The following TMEM192 variants were observed in gnomAD, a reference collection of about 807,000 sequenced individuals.
TMEM192 encodes transmembrane protein 192.
TMEM192 carries 20 observed loss-of-function variants against 26.7 expected under a neutral mutation model. The ratio of observed to expected loss-of-function variants is 0.75; its 90% CI spans 0.53 to 1.09. TMEM192 has a LOEUF of 1.09. TMEM192 is among the 50% of genes least tolerant of loss of function. The probability of loss-of-function intolerance (pLI) is 0.00; values close to 1 mark genes in which losing one functional copy is unlikely to be tolerated. For missense variants in TMEM192, 304 were observed against 322.6 expected (o/e 0.94, Z 0.44); for synonymous variants, 124 against 121.0 (o/e 1.02, Z -0.16).
intron 3 of TMEM192, among the ~76,000 whole-genome samples, chr4:165,092,678 T>G (rs973888728): frequency 1.3e-5 from 2 of 152,194 alleles, no homozygotes; most frequent in Non-Finnish European, 2.9e-5. Context: ...TATGTGAGTC[T>G]GATCCTGAGA....
intron 1 of TMEM192, among the ~76,000 whole-genome samples, chr4:165,107,791 C>T (rs923908546): frequency 1.2e-4 from 18 of 152,172 alleles, no homozygotes; most frequent in Non-Finnish European, 2.4e-4. Flanking sequence ...GCCTTCTCTG[C>T]GGTGCCTTTT....
intron 3 of TMEM192, among the ~76,000 whole-genome samples, chr4:165,100,162 CT>C (rs35075062): frequency 1.3e-3 from 174 of 134,684 alleles, no homozygotes; most frequent in East Asian, 5.2e-3. Context: ...AATAAAAGTT[CT>C]TTTTTTTTTT....
chr4:165,102,261 A>C (rs1735053606), intron 2 of TMEM192, among the ~76,000 whole-genome samples: 1 of 152,224 alleles, frequency 6.6e-6, no homozygotes, highest in Non-Finnish European at 1.5e-5. Flanking sequence ...GTGTCAACAT[A>C]TGTAGACTTT....
chr4:165,112,716 G>A (rs1472820527), intron 1 of TMEM192, 31 bp downstream of exon 1: 2 of 1,608,324 alleles, frequency 1.2e-6, no homozygotes, highest in Admixed American at 1.7e-5. Flanking sequence ...CGGATTCCGG[G>A]GCCAACCGCC....
At chr4:165,089,884 T>C (rs529083767) in intron 3 of TMEM192, among the ~76,000 whole-genome samples, 1 of 152,186 alleles carries the variant, frequency 6.6e-6, no homozygotes, top group Non-Finnish European at 1.5e-5. Context: ...GGTTTTTGTA[T>C]AGAGTTCCTA....
Position 165,091,819 on chromosome 4 carries a change from G to C in TMEM192, c.440-3217C>G, listed in dbSNP as rs548684670. The stretch of plus-strand genomic sequence containing the variant: ...TACTTCCTTTAGGTACCCAGTGCAA[G>C]TAAAAAGTGATGCCATTTTTAGAAG... On this transcript the variant is annotated intron_variant, in intron 3 of 5. Coordinates refer to ENST00000306480, the MANE Select transcript of TMEM192 (RefSeq NM_001100389.2). 4.6e-5 allele frequency among the ~76,000 whole-genome samples: 7 copies of C among 152,254 alleles called. No homozygotes were observed. The South Asian group carries it at 1.4e-3, about 32-fold the overall frequency.
chr4:165,070,942 C>T lies in TMEM192; in HGVS notation c.*8716G>A, dbSNP rs1734262437. 1 of 152,066 alleles carries T rather than the reference C, an allele frequency of 6.6e-6. No homozygotes were observed. The highest frequency in any genetic ancestry group is 1.5e-5 in the Non-Finnish European group (1 of 68,038). The allele number at this position is 152,066 out of a possible 1,614,324, so 9.4% of individuals were successfully genotyped here. A position where few individuals can be genotyped will look rare whatever the true frequency, so the allele number is the denominator to read the frequency against. ...ATAGAGCTTACATTCTATCAGGAGA[C>T]ACAGACAAAGTAAACAAGTAAGTTA... On this transcript the variant is annotated 3_prime_UTR_variant, in exon 6 of 6. Coordinates refer to ENST00000306480, the MANE Select transcript of TMEM192 (RefSeq NM_001100389.2).
At position 165,100,760 on chromosome 4, in the gene TMEM192, A is replaced by C. The variant is rs778141097; in HGVS notation, c.307T>G (p.Leu103Val). The change falls in exon 3 of 6, where the codon TTG (leucine) becomes GTG (valine). Residue 103 changes from leucine to valine, a missense_variant. By Grantham distance (32) the Leu-to-Val change is conservative. Coordinates refer to ENST00000306480, the MANE Select transcript of TMEM192 (RefSeq NM_001100389.2). Reference protein sequence around the residue: ...QTVIILGKVILWILHLLLECY... With the variant: ...QTVIILGKVIVWILHLLLECY... ...TCAAGGAGTAAATGGAGAATCCACA[A>C]AATAACTTTCCCAAGGATTATAACC... 2.7e-5 allele frequency: 43 copies of C among 1,613,966 alleles called. No homozygotes were observed. Among genetic ancestry groups the C allele is most frequent in the Non-Finnish European group, 8.5e-7 (1 of 1,180,028 alleles).
intron 3 of TMEM192, among the ~76,000 whole-genome samples, chr4:165,093,367 T>A (rs1734815899): frequency 6.6e-6 from 1 of 152,000 alleles, no homozygotes; most frequent in South Asian, 2.1e-4. Flanking sequence ...AGTGCTGGGA[T>A]TACAGGTGTG....
chr4:165,097,667 T>C (rs11100597), intron 3 of TMEM192, among the ~76,000 whole-genome samples: 45,235 of 147,428 alleles, frequency 0.31, 8,195 homozygotes, highest in African/African-American at 0.51. Flanking sequence ...TAGGCTGGAG[T>C]GTGGTGCATA....
At chr4:165,106,709 G>C (rs1334006186) in intron 1 of TMEM192, among the ~76,000 whole-genome samples, 1 of 152,200 alleles carries the variant, frequency 6.6e-6, no homozygotes, top group Non-Finnish European at 1.5e-5. Flanking sequence ...GCTTGCCTGG[G>C]GCTCTCAGGC....
intron 3 of TMEM192, among the ~76,000 whole-genome samples, chr4:165,094,903 G>A (rs1392557948): frequency 2.0e-5 from 3 of 151,988 alleles, no homozygotes; most frequent in African/African-American, 7.2e-5. Context: ...GAACCCAGGA[G>A]GTGGAGGTTG....
rs1345261204 is a variant in TMEM192 at position 165,074,519 on chromosome 4, T to C, written c.*5139A>G. 3.3e-5 allele frequency: 5 copies of C among 152,166 alleles called. No individual in the cohort carries two copies. The East Asian group carries it at 9.7e-4, about 29-fold the overall frequency. The allele number at this position is 152,166 out of a possible 1,614,324, so 9.4% of individuals were successfully genotyped here. A position where few individuals can be genotyped will look rare whatever the true frequency, so the allele number is the denominator to read the frequency against. On this transcript the variant is annotated 3_prime_UTR_variant, in exon 6 of 6. Coordinates refer to ENST00000306480, the MANE Select transcript of TMEM192 (RefSeq NM_001100389.2). ...TGGAGTGCAGTGGTGCGATCTCGGC[T>C]CACTGCAACCTCCACCTCCCGGGTT...
intron 2 of TMEM192, among the ~76,000 whole-genome samples, chr4:165,101,185 C>T (rs906045064): frequency 6.6e-6 from 1 of 151,574 alleles, no homozygotes. Flanking sequence ...ACCATGTTAG[C>T]CAGGATGATA....
chr4:165,108,827 CCA>C (rs984291860), intron 1 of TMEM192, among the ~76,000 whole-genome samples: 2 of 152,152 alleles, frequency 1.3e-5, no homozygotes, highest in African/African-American at 4.8e-5. Context: ...CTTGTGAACT[CCA>C]GTTACCTCGA....
At chr4:165,084,332 G>A (rs1226843547) in intron 5 of TMEM192, among the ~76,000 whole-genome samples, 1 of 151,460 alleles carries the variant, frequency 6.6e-6, no homozygotes, top group African/African-American at 2.4e-5. Context: ...TCAAGTAGCT[G>A]GGATTACAGG....
At chr4:165,098,691 T>C (rs1015473422) in intron 3 of TMEM192, among the ~76,000 whole-genome samples, 2 of 151,820 alleles carry the variant, frequency 1.3e-5, no homozygotes, top group African/African-American at 2.4e-5. Context: ...AGACTACATA[T>C]GGATTCAAGT....
intron 3 of TMEM192, among the ~76,000 whole-genome samples, chr4:165,091,212 G>A (rs1734755066): frequency 1.3e-5 from 2 of 152,094 alleles, no homozygotes; most frequent in South Asian, 4.1e-4. Context: ...AGCTTGCAGT[G>A]AGCTGAGATA....
intron 3 of TMEM192, among the ~76,000 whole-genome samples, chr4:165,097,971 C>T (rs1009136782): frequency 6.6e-6 from 1 of 151,876 alleles, no homozygotes; most frequent in African/African-American, 2.4e-5. Context: ...CAGCCACCTG[C>T]CATCACACCC....
Sources: allele counts gnomAD v4.1 joint callset (sites outside exome capture counted in the v4.1 genomes callset), GRCh38; gene constraint gnomAD v4.1.1; transcripts MANE v1.5; gene names NCBI Gene and HGNC (gene_info 2026-07-23, HGNC 2026-07-21).